Variants in CADPS observed in about 807,000 individuals in gnomAD.
CADPS encodes calcium dependent secretion activator.
CADPS carries 57 observed loss-of-function variants against 167.3 expected under a neutral mutation model. That is an observed-to-expected ratio of 0.34 (90% CI 0.28 to 0.42). CADPS has a LOEUF of 0.42. Among genes scored for constraint, CADPS ranks in the 20% least tolerant of loss-of-function variants. The pLI, the probability that CADPS is intolerant of heterozygous loss-of-function variation, is 1.00. For synonymous variants in CADPS, 676 were observed against 635.3 expected (o/e 1.06, Z -0.96); for missense variants, 1,414 against 1,738.1 (o/e 0.81, Z 3.32).
chr3:62,399,390 T>C lies in CADPS; in HGVS notation c.*16A>G. 6.2e-7 allele frequency: 1 copy of C among 1,611,924 alleles called. No individual in the cohort carries two copies. Among genetic ancestry groups the C allele is most frequent in the Admixed American group, 1.7e-5 (1 of 60,026 alleles). ...ATTACAGGACTCTGTCCCAGCAGAC[T>C]CTAGGACCAAATGGTCTAATCGTCT... On this transcript the variant is annotated 3_prime_UTR_variant, in exon 30 of 30. Transcript: ENST00000383710. This position sits in a 1 kb window ranked among gnomAD's most constrained non-coding sequence, Gnocchi z 5.6.
chr3:62,667,669 C>A (rs1044947504), intron 3 of CADPS, among the ~76,000 whole-genome samples: 2 of 152,100 alleles, frequency 1.3e-5, no homozygotes, highest in Non-Finnish European at 2.9e-5. Flanking sequence ...ACCAAGGCAA[C>A]CTCATGCAGC....
intron 1 of CADPS, among the ~76,000 whole-genome samples, chr3:62,790,744 G>C (rs571349597): frequency 1.3e-5 from 2 of 152,124 alleles, no homozygotes; most frequent in Non-Finnish European, 2.9e-5. Flanking sequence ...TATTGACAAC[G>C]ACTATGGCTT....
intron 17 of CADPS, 39 bp from the exon 18 acceptor site, chr3:62,499,307 G>T (rs1162452201): frequency 7.5e-7 from 1 of 1,326,642 alleles, no homozygotes; most frequent in African/African-American, 1.4e-5. Context: ...CAGCGAAAGT[G>T]GCAGGCTACT....
chr3:62,779,325 C>CT, intron 1 of CADPS: 4 of 402,102 alleles, frequency 9.9e-6, no homozygotes, highest in South Asian at 2.3e-5. Context: ...CAGTGGTCAT[C>CT]TTTTTTTCTG....
chr3:62,413,136 C>G (rs2049292876), intron 28 of CADPS, among the ~76,000 whole-genome samples: 1 of 152,122 alleles, frequency 6.6e-6, no homozygotes. Flanking sequence ...CACGAAGGCA[C>G]AAGATGGGAA....
chr3:62,548,030 G>A (rs1323834646), intron 11 of CADPS, among the ~76,000 whole-genome samples: 2 of 152,098 alleles, frequency 1.3e-5, no homozygotes, highest in Non-Finnish European at 2.9e-5. Flanking sequence ...TTGGAAATAA[G>A]ACCAGTATTT....
In CADPS at chr3:62,874,827, C is replaced by G; in HGVS notation, c.203G>C (p.Gly68Ala). 1.9e-6 allele frequency: 2 copies of G among 1,033,382 alleles called. No individual in the cohort carries two copies. The highest frequency in any genetic ancestry group is 2.3e-6 in the Non-Finnish European group (2 of 851,928). 64.0% of individuals were successfully genotyped at this position (1,033,382 alleles called of 1,614,324 possible). Residue 68 changes from glycine to alanine, a missense_variant, in exon 1 of 30, where the codon GGC becomes GCC. Gly to Ala is a moderately conservative substitution (Grantham distance 60). Around this residue, in one of 6 missense-constraint regions of CADPS, gnomAD observed 522 missense variants for 559.5 expected, o/e 0.93. Coordinates refer to ENST00000383710, the MANE Select transcript of CADPS (RefSeq NM_003716.4). The surrounding 1 kb of genome is among the most constrained non-coding windows in gnomAD (Gnocchi z 7.1). ...GVGAGGGGGS[G>A]ASSGGGAGGL... ...CCCGGCCCCGCCGCCGCTGCTCGCG[C>G]CGCTGCCCCCGCCGCCGCCTGCACC...
chr3:62,526,205 G>A (rs889232406), intron 13 of CADPS, among the ~76,000 whole-genome samples: 3 of 152,042 alleles, frequency 2.0e-5, no homozygotes, highest in African/African-American at 7.2e-5. Context: ...TCTGAACATG[G>A]GCAGCACCTT....
At chr3:62,593,328 T>A (rs2086494134) in intron 6 of CADPS, among the ~76,000 whole-genome samples, 3 of 152,186 alleles carry the variant, frequency 2.0e-5, no homozygotes, top group Non-Finnish European at 4.4e-5. Context: ...CATTCCCTGC[T>A]CATAGTTTGT....
At chr3:62,603,020 G>A (rs1196439073) in intron 6 of CADPS, among the ~76,000 whole-genome samples, 1 of 152,152 alleles carries the variant, frequency 6.6e-6, no homozygotes, top group East Asian at 1.9e-4. Context: ...AGCAGGCGGG[G>A]GCAATATTTA....
intron 9 of CADPS, among the ~76,000 whole-genome samples, 194 bp from the exon 10 acceptor site, chr3:62,557,707 G>T (rs1490428476): frequency 6.6e-6 from 1 of 152,150 alleles, no homozygotes; most frequent in Non-Finnish European, 1.5e-5. Context: ...CTGTAGACTG[G>T]ATACAATCTT....
chr3:62,722,910 G>GAA (rs1268522458), intron 3 of CADPS, among the ~76,000 whole-genome samples: 1 of 152,138 alleles, frequency 6.6e-6, no homozygotes, highest in African/African-American at 2.4e-5. Flanking sequence ...GATGCCAGTA[G>GAA]AAAAACCCCC....
chr3:62,853,622 C>G (rs1481221877), intron 1 of CADPS, among the ~76,000 whole-genome samples: 3 of 71,916 alleles, frequency 4.2e-5, no homozygotes, highest in Admixed American at 1.6e-4. Flanking sequence ...CAAAACTCCA[C>G]TAAAAAAAAA....
Position 62,516,572 on chromosome 3 carries a change from A to G in CADPS, c.2457+8T>C. The G allele has an allele frequency of 6.3e-7, 1 of 1,588,214 alleles. No individual in the cohort carries two copies. The highest frequency in any genetic ancestry group is 8.6e-7 in the Non-Finnish European group (1 of 1,162,334). On this transcript the variant is annotated splice_region_variant and intron_variant, in intron 15 of 29. Coordinates refer to ENST00000383710, the MANE Select transcript of CADPS (RefSeq NM_003716.4). ...TATATGTGATCTATCTTTTACTTTC[A>G]TTCTTACCCTTTCCAAGAGTGAGAG...
In CADPS at chr3:62,399,162, T is replaced by A. The variant is rs1219947545; in HGVS notation, c.*244A>T. ...TAGTGGTTAGACTATGTATTCTCCA[T>A]GAACAGTATTTAAAGAATGGTGCTC... On this transcript the variant is annotated 3_prime_UTR_variant, in exon 30 of 30. Coordinates refer to ENST00000383710, the MANE Select transcript of CADPS (RefSeq NM_003716.4). This position sits in a 1 kb window ranked among gnomAD's most constrained non-coding sequence, Gnocchi z 5.6. The A allele has an allele frequency of 2.2e-6, 1 of 448,206 alleles. No individual in the cohort carries two copies. The highest frequency in any genetic ancestry group is 4.1e-6 in the Non-Finnish European group (1 of 245,056). The allele number at this position is 448,206 out of a possible 1,614,324, so 27.8% of individuals were successfully genotyped here.
chr3:62,409,847 GAA>G (rs1414608892), intron 28 of CADPS, among the ~76,000 whole-genome samples: 2 of 152,104 alleles, frequency 1.3e-5, no homozygotes, highest in Non-Finnish European at 2.9e-5. Flanking sequence ...CATGTCAGGG[GAA>G]AAAACTGTCT....
chr3:62,812,767 C>T (rs1195881853), intron 1 of CADPS, among the ~76,000 whole-genome samples: 1 of 152,180 alleles, frequency 6.6e-6, no homozygotes, highest in African/African-American at 2.4e-5. Context: ...GTGGATTATG[C>T]ATCTCTCCAT....
intron 17 of CADPS, among the ~76,000 whole-genome samples, chr3:62,502,485 C>T (rs1452079): frequency 0.97 from 147,047 of 152,344 alleles, 71,271 homozygotes; most frequent in Middle Eastern, 0.99. Context: ...CAAAATGTTA[C>T]GCAACAACAA....
intron 1 of CADPS, among the ~76,000 whole-genome samples, chr3:62,844,256 T>C (rs374234919): frequency 3.9e-5 from 6 of 152,218 alleles, no homozygotes; most frequent in African/African-American, 1.4e-4. Flanking sequence ...AACATCGAGC[T>C]GACAAACAGC....
Sources: allele counts gnomAD v4.1 joint callset (sites outside exome capture counted in the v4.1 genomes callset), GRCh38; gene constraint gnomAD v4.1.1; regional missense constraint gnomAD v4.1.1; non-coding constraint Gnocchi (gnomAD v3.1); transcripts MANE v1.5; gene names NCBI Gene and HGNC (gene_info 2026-07-23, HGNC 2026-07-21).